RIMS2: variants seen among roughly 807,000 people sequenced by gnomAD.
RIMS2 encodes the protein regulating synaptic membrane exocytosis protein 2.
In RIMS2, 59 loss-of-function variants were observed where a neutral mutation model predicts 174.4. The ratio of observed to expected loss-of-function variants is 0.34; its 90% CI spans 0.27 to 0.42. The LOEUF (loss-of-function observed/expected upper bound fraction) is 0.42, where lower values mean the gene tolerates loss of function less well. Ranked by LOEUF, RIMS2 falls within the 10% of genes least tolerant of loss-of-function variation. The probability of loss-of-function intolerance (pLI) is 1.00; values close to 1 mark genes in which losing one functional copy is unlikely to be tolerated. For synonymous variants in RIMS2, 606 were observed against 572.5 expected (o/e 1.06, Z -0.84); for missense variants, 1,620 against 1,666.3 (o/e 0.97, Z 0.48).
At chr8:103,862,157 G>A (rs1185397351) in intron 3 of RIMS2, among the ~76,000 whole-genome samples, 2 of 151,958 alleles carry the variant, frequency 1.3e-5, no homozygotes, top group Non-Finnish European at 2.9e-5. Flanking sequence ...TTTATATATG[G>A]TGAGAGAGAG....
At chr8:103,707,798 A>G (rs1383561793) in intron 2 of RIMS2, among the ~76,000 whole-genome samples, 1 of 152,206 alleles carries the variant, frequency 6.6e-6, no homozygotes, top group Non-Finnish European at 1.5e-5. Flanking sequence ...ACTTAAGGCT[A>G]AGGCCACTGT....
At chr8:103,707,525 C>T (rs1590810409) in intron 2 of RIMS2, among the ~76,000 whole-genome samples, 1 of 152,166 alleles carries the variant, frequency 6.6e-6, no homozygotes, top group Non-Finnish European at 1.5e-5. Context: ...CAAATCCTCG[C>T]GATCCAGCCC....
intron 1 of RIMS2, among the ~76,000 whole-genome samples, chr8:103,612,948 T>A (rs2095419295): frequency 6.6e-6 from 1 of 152,212 alleles, no homozygotes. Flanking sequence ...AACTGGGTTG[T>A]GTGTTGATGC....
chr8:103,963,808 T>C (rs566808107), intron 15 of RIMS2, among the ~76,000 whole-genome samples: 55 of 152,328 alleles, frequency 3.6e-4, no homozygotes, highest in Middle Eastern at 3.4e-3. Context: ...CATTATATTA[T>C]CATGCAGAAT....
At chr8:103,834,730 TTCTTTCTTTCTTTC>T (rs1410869909) in intron 3 of RIMS2, among the ~76,000 whole-genome samples, 100 of 102,050 alleles carry the variant, frequency 9.8e-4, no homozygotes, top group African/African-American at 3.4e-3. Flanking sequence ...CTTTCTTTCT[TTCTTTCTTTCTTTC>T]TCTCTCTTTC....
At chr8:104,072,612 C>T (rs2097214389) in intron 19 of RIMS2, among the ~76,000 whole-genome samples, 1 of 152,066 alleles carries the variant, frequency 6.6e-6, no homozygotes, top group Non-Finnish European at 1.5e-5. Context: ...ATTCCAGTGA[C>T]ACAATTGTGA....
chr8:103,745,008 A>G (rs2097795052), intron 2 of RIMS2, among the ~76,000 whole-genome samples: 1 of 152,214 alleles, frequency 6.6e-6, no homozygotes, highest in South Asian at 2.1e-4. Flanking sequence ...GAAGAGCTAC[A>G]TTAAAACATT....
At chr8:103,856,905 C>G (rs997153573) in intron 3 of RIMS2, among the ~76,000 whole-genome samples, 7 of 152,088 alleles carry the variant, frequency 4.6e-5, no homozygotes, top group Non-Finnish European at 2.9e-5. Flanking sequence ...CTCTCAGGTT[C>G]AAGCAATTCT....
intron 19 of RIMS2, among the ~76,000 whole-genome samples, chr8:104,151,401 T>C (rs2098688202): frequency 6.6e-6 from 1 of 152,054 alleles, no homozygotes; most frequent in East Asian, 1.9e-4. Flanking sequence ...AAACCCTATC[T>C]CTACAAAAAA....
chr8:104,096,598 G>T (rs568600492), intron 19 of RIMS2, among the ~76,000 whole-genome samples: 3 of 152,088 alleles, frequency 2.0e-5, no homozygotes, highest in African/African-American at 7.2e-5. Context: ...GGCCGGGTGC[G>T]ATGGCTCACG....
chr8:103,558,526 A>C (rs1056675607), intron 1 of RIMS2, among the ~76,000 whole-genome samples: 2 of 152,162 alleles, frequency 1.3e-5, no homozygotes, highest in African/African-American at 4.8e-5. Flanking sequence ...GCCTGCCCCA[A>C]ATCTTTTATC....
At chr8:103,595,731 A>G (rs1053288040) in intron 1 of RIMS2, among the ~76,000 whole-genome samples, 4 of 151,902 alleles carry the variant, frequency 2.6e-5, no homozygotes, top group African/African-American at 9.7e-5. Flanking sequence ...GAGCATCTCA[A>G]TGGAAGAGAT....
chr8:103,754,612 C>T (rs2097953047), intron 2 of RIMS2, among the ~76,000 whole-genome samples: 1 of 152,032 alleles, frequency 6.6e-6, no homozygotes. Context: ...TCTGGGTGAT[C>T]CTGTATTGAG....
At chr8:103,994,567 G>C (rs2094947111) in intron 17 of RIMS2, among the ~76,000 whole-genome samples, 1 of 152,108 alleles carries the variant, frequency 6.6e-6, no homozygotes, top group African/African-American at 2.4e-5. Flanking sequence ...TGGAAGAAAA[G>C]TAAGCATGGT....
chr8:104,122,411 G>A (rs576864243), intron 19 of RIMS2, among the ~76,000 whole-genome samples: 5 of 152,230 alleles, frequency 3.3e-5, no homozygotes, highest in Admixed American at 2.0e-4. Context: ...ATATAGGGCT[G>A]GAGGGGTGAT....
chr8:103,749,411 C>T (rs1163302519), intron 2 of RIMS2, among the ~76,000 whole-genome samples: 1 of 152,168 alleles, frequency 6.6e-6, no homozygotes, highest in African/African-American at 2.4e-5. Flanking sequence ...GGCGCCTGGC[C>T]ACTTTCTATT....
intron 19 of RIMS2, among the ~76,000 whole-genome samples, chr8:104,144,583 C>G (rs989844133): frequency 6.6e-6 from 1 of 152,030 alleles, no homozygotes; most frequent in African/African-American, 2.4e-5. Flanking sequence ...AAAAGATAAA[C>G]TTTTTTTAAA....
intron 19 of RIMS2, among the ~76,000 whole-genome samples, chr8:104,207,603 C>T (rs1481341240): frequency 2.0e-5 from 3 of 151,756 alleles, no homozygotes; most frequent in African/African-American, 7.3e-5. Context: ...GTCAGGAGTT[C>T]GAGACCAGCC....
intron 3 of RIMS2, among the ~76,000 whole-genome samples, chr8:103,856,624 T>C (rs1417330614): frequency 6.6e-6 from 1 of 152,210 alleles, no homozygotes; most frequent in African/African-American, 2.4e-5. Context: ...TTTATGCACA[T>C]AGTTTATGCC....
Sources: allele counts gnomAD v4.1 joint callset (sites outside exome capture counted in the v4.1 genomes callset), GRCh38; gene constraint gnomAD v4.1.1; transcripts MANE v1.5; gene names NCBI Gene and HGNC (gene_info 2026-07-23, HGNC 2026-07-21).